EPB41L2: variants seen among roughly 807,000 people sequenced by gnomAD.
The protein encoded by EPB41L2 is band 4.1-like protein 2.
In EPB41L2, 43 loss-of-function variants were observed where a neutral mutation model predicts 113.0. The ratio of observed to expected loss-of-function variants is 0.38; its 90% CI spans 0.30 to 0.49. The LOEUF (loss-of-function observed/expected upper bound fraction) is 0.49, where lower values mean the gene tolerates loss of function less well. EPB41L2 is among the 20% of genes least tolerant of loss of function. The pLI is 0.95. For missense variants in EPB41L2, 1,147 were observed against 1,223.4 expected (o/e 0.94, Z 0.93); for synonymous variants, 442 against 436.7 (o/e 1.01, Z -0.15).
Position 130,839,944 on chromosome 6 carries a change from TCTGA to T in EPB41L2, c.*656_*659del, listed in dbSNP as rs1341804893. 1 of 152,218 alleles carries T rather than the reference TCTGA, an allele frequency of 6.6e-6. No homozygotes were observed. Among genetic ancestry groups the T allele is most frequent in the Admixed American group, 6.5e-5 (1 of 15,276 alleles). 9.4% of individuals were successfully genotyped at this position (152,218 alleles called of 1,614,324 possible). A position where few individuals can be genotyped will look rare whatever the true frequency, so the allele number is the denominator to read the frequency against. On this transcript the variant is annotated 3_prime_UTR_variant, in exon 20 of 20. Transcript: ENST00000337057. ...CTTCATTATTCTCCAGTCCAGAGAT[TCTGA>T]CTCTCTACTAAAAGTAGAAAGTCAC...
Position 130,861,838 on chromosome 6 carries a change from C to T in EPB41L2, c.2910+1800G>A, listed in dbSNP as rs946796429. 4.0e-4 allele frequency among the ~76,000 whole-genome samples: 59 copies of T among 146,682 alleles called. 1 individual carries two copies. The highest frequency in any genetic ancestry group is 3.6e-3 in the Middle Eastern group (1 of 280). On this transcript the variant is annotated intron_variant, in intron 18 of 19. Transcript: ENST00000337057. Reference sequence around the variant, plus strand: ...AGTGAGTCCAGATCGTGCCACTGCACTCCAGTCTGGGCACCAGAGGGAGAC... The same window carrying T: ...AGTGAGTCCAGATCGTGCCACTGCATTCCAGTCTGGGCACCAGAGGGAGAC...
chr6:131,035,776 G>C (rs1282060354), intron 1 of EPB41L2, among the ~76,000 whole-genome samples: 2 of 152,300 alleles, frequency 1.3e-5, no homozygotes, highest in East Asian at 3.9e-4. Flanking sequence ...ATGTGTGCTT[G>C]TGAGGTTAAA....
intron 1 of EPB41L2, among the ~76,000 whole-genome samples, chr6:130,993,730 G>A (rs1239035543): frequency 6.6e-6 from 1 of 152,154 alleles, no homozygotes; most frequent in Non-Finnish European, 1.5e-5. Flanking sequence ...GAGGAGGGAG[G>A]AGTTATTCAT....
intron 11 of EPB41L2, among the ~76,000 whole-genome samples, chr6:130,887,002 C>T (rs1198893571): frequency 6.6e-6 from 1 of 151,990 alleles, no homozygotes; most frequent in African/African-American, 2.4e-5. Flanking sequence ...AAGTATATGG[C>T]TATGATTAAT....
intron 12 of EPB41L2, among the ~76,000 whole-genome samples, chr6:130,884,440 C>T (rs1186982189): frequency 6.6e-6 from 1 of 152,186 alleles, no homozygotes; most frequent in African/African-American, 2.4e-5. Flanking sequence ...AAAAAAGTCG[C>T]TTTGTGCAGA....
intron 1 of EPB41L2, among the ~76,000 whole-genome samples, chr6:131,048,232 T>C (rs1562797923): frequency 1.3e-5 from 2 of 151,596 alleles, no homozygotes; most frequent in Non-Finnish European, 2.9e-5. Flanking sequence ...GAAAAAAAAT[T>C]ATACAACATC....
chr6:131,017,836 G>A (rs550641939), intron 1 of EPB41L2, among the ~76,000 whole-genome samples: 2 of 152,230 alleles, frequency 1.3e-5, no homozygotes, highest in South Asian at 4.2e-4. Flanking sequence ...ATATTATGAT[G>A]GTTATTAAAA....
chr6:130,871,358 G>A (rs1277802810), intron 14 of EPB41L2, among the ~76,000 whole-genome samples: 1 of 152,078 alleles, frequency 6.6e-6, no homozygotes, highest in Non-Finnish European at 1.5e-5. Flanking sequence ...AAATAATTCA[G>A]CTAGAGCCAG....
chr6:130,930,474 A>G (rs1486238040), intron 3 of EPB41L2, among the ~76,000 whole-genome samples: 7 of 152,190 alleles, frequency 4.6e-5, no homozygotes, highest in Non-Finnish European at 2.9e-5. Flanking sequence ...AGTATTACAA[A>G]ATCTGAAAAA....
At chr6:130,893,027 C>T (rs958606839) in intron 10 of EPB41L2, among the ~76,000 whole-genome samples, 3 of 151,750 alleles carry the variant, frequency 2.0e-5, no homozygotes, top group Admixed American at 6.6e-5. Context: ...ACTGAGGAAA[C>T]GGAGAAAACA....
chr6:131,042,154 C>G (rs1054323651), intron 1 of EPB41L2, among the ~76,000 whole-genome samples: 3 of 152,074 alleles, frequency 2.0e-5, no homozygotes, highest in African/African-American at 7.2e-5. Context: ...TTGCATACAC[C>G]TCCATTATAA....
intron 1 of EPB41L2, among the ~76,000 whole-genome samples, chr6:130,987,068 T>A (rs1780729802): frequency 1.3e-5 from 2 of 152,214 alleles, no homozygotes; most frequent in Admixed American, 1.3e-4. Flanking sequence ...TTCCTTCATC[T>A]GTATGCCCCA....
At chr6:131,062,774 G>A (rs1002602575) in intron 1 of EPB41L2, among the ~76,000 whole-genome samples, 1 of 151,974 alleles carries the variant, frequency 6.6e-6, no homozygotes, top group East Asian at 2.0e-4. Flanking sequence ...GCACCCCGGG[G>A]GGGACGGCGT....
Position 130,858,246 on chromosome 6 carries a change from G to T in EPB41L2, c.2911-3C>A, listed in dbSNP as rs1780908249. 1 of 1,609,204 alleles carries T rather than the reference G, an allele frequency of 6.2e-7. No homozygotes were observed. Among genetic ancestry groups the T allele is most frequent in the African/African-American group, 1.3e-5 (1 of 74,920 alleles). ...TCCCTGATCGCCTGAGCCAGTGCCT[G>T]CCAGGGTCAGGACAGAGAACGGCTG... On this transcript the variant is annotated splice_polypyrimidine_tract_variant and splice_region_variant and intron_variant, in intron 18 of 19. Coordinates refer to ENST00000337057, the MANE Select transcript of EPB41L2 (RefSeq NM_001431.4).
At chr6:130,890,210 C>A in intron 11 of EPB41L2, 84 bp downstream of exon 11, 2 of 1,405,524 alleles carry the variant, frequency 1.4e-6, no homozygotes, top group South Asian at 1.7e-5. Flanking sequence ...TTTCTGGTGG[C>A]TTTATTAACT....
rs773978059 is a variant in EPB41L2, at chr6:130,878,109, G to T, written c.2038C>A (p.Gln680Lys). 2 of 1,607,286 alleles carry T rather than the reference G, an allele frequency of 1.2e-6. No individual in the cohort carries two copies. Among genetic ancestry groups the T allele is most frequent in the African/African-American group, 1.3e-5 (1 of 74,462 alleles). Reference protein sequence around the residue: ...RRITPLSLQTQGSSHETLNIV... With the variant: ...RRITPLSLQTKGSSHETLNIV... ...ACAAATAGCTAATGACATACCCCTT[G>T]TGTCTGTAGGGACAGAGGTGTGATA... Residue 680 changes from glutamine (Q) to lysine (K), a missense_variant, in exon 14 of 20, where the codon CAA (glutamine) becomes AAA (lysine). Gln to Lys is a moderately conservative substitution (Grantham distance 53, BLOSUM62 1). Transcript: ENST00000337057.
chr6:131,005,362 T>C (rs1785248276), intron 1 of EPB41L2, among the ~76,000 whole-genome samples: 2 of 152,126 alleles, frequency 1.3e-5, no homozygotes, highest in African/African-American at 4.8e-5. Context: ...CACAAGATCT[T>C]AGAGATGCCC....
chr6:130,876,333 A>G (rs1263482732), intron 14 of EPB41L2, among the ~76,000 whole-genome samples: 1 of 152,234 alleles, frequency 6.6e-6, no homozygotes, highest in Non-Finnish European at 1.5e-5. Context: ...TATTTTAACA[A>G]CACGACATGC....
At chr6:130,969,094 C>T in intron 1 of EPB41L2, among the ~76,000 whole-genome samples, 1 of 152,108 alleles carries the variant, frequency 6.6e-6, no homozygotes, top group East Asian at 1.9e-4. Context: ...TACAGGAACA[C>T]TACAAAGCAG....
Sources: allele counts gnomAD v4.1 joint callset (sites outside exome capture counted in the v4.1 genomes callset), GRCh38; gene constraint gnomAD v4.1.1; transcripts MANE v1.5; gene names NCBI Gene and HGNC (gene_info 2026-07-23, HGNC 2026-07-21).